Variants in LRRC7 observed in about 807,000 individuals in gnomAD.
LRRC7 encodes leucine rich repeat containing 7.
LRRC7 carries 23 observed loss-of-function variants against 175.7 expected under a neutral mutation model. The ratio of observed to expected loss-of-function variants is 0.13; its 90% CI spans 0.09 to 0.19. The LOEUF is 0.19. LRRC7 is among the 10% of genes least tolerant of loss of function. The pLI, the probability that LRRC7 is intolerant of heterozygous loss-of-function variation, is 1.00. For synonymous variants in LRRC7, 685 were observed against 680.9 expected, an observed-to-expected ratio of 1.01 and a Z score of -0.09; for missense variants, 1,354 against 1,904.7, an observed-to-expected ratio of 0.71 and a Z score of 5.38.
intron 7 of LRRC7, among the ~76,000 whole-genome samples, chr1:69,857,129 T>A (rs570771796): frequency 4.4e-4 from 67 of 152,228 alleles, no homozygotes; most frequent in African/African-American, 1.5e-3. Flanking sequence ...TAATAAGAGC[T>A]ATTTATGACA....
intron 3 of LRRC7, among the ~76,000 whole-genome samples, chr1:69,785,210 A>G (rs1674265290): frequency 6.6e-6 from 1 of 152,138 alleles, no homozygotes; most frequent in East Asian, 1.9e-4. Context: ...GTTCCTTTAA[A>G]TATATTAATG....
intron 1 of LRRC7, among the ~76,000 whole-genome samples, chr1:69,670,604 TC>T (rs1260223432): frequency 2.0e-5 from 3 of 152,140 alleles, no homozygotes; most frequent in East Asian, 1.9e-4. Flanking sequence ...GGTGGCAAGT[TC>T]CCCCTGGCCC....
intron 4 of LRRC7, among the ~76,000 whole-genome samples, chr1:69,794,437 C>A (rs1344580096): frequency 6.6e-6 from 1 of 152,134 alleles, no homozygotes; most frequent in Admixed American, 6.5e-5. Flanking sequence ...AAGAGAAGAA[C>A]AACTAGGTTT....
Position 70,053,082 on chromosome 1 carries a change from T to C in LRRC7, c.4167T>C (p.Ser1389=). ...LDNGQEDVSP[S]GQWNPYPLGR... ...ATGGACAAGAAGATGTATCTCCTAG[T>C]GGCCAATGGAATCCTTATCCACTTG... The change falls in exon 23 of 27, where the codon AGT becomes AGC. Residue 1389 remains serine (S), a synonymous_variant. Coordinates refer to ENST00000651989, the MANE Select transcript of LRRC7 (RefSeq NM_001370785.2). The C allele has an allele frequency of 2.5e-6, 4 of 1,611,798 alleles. No homozygotes were observed. Among genetic ancestry groups the C allele is most frequent in the Non-Finnish European group, 2.5e-6 (3 of 1,178,808 alleles).
At chr1:69,978,238 G>T (rs1167968674) in intron 8 of LRRC7, among the ~76,000 whole-genome samples, 1 of 145,576 alleles carries the variant, frequency 6.9e-6, no homozygotes, top group Admixed American at 6.9e-5. Context: ...AGCTGAGATC[G>T]CACCACTGCA....
intron 22 of LRRC7, among the ~76,000 whole-genome samples, chr1:70,046,631 T>G (rs1660351290): frequency 6.6e-6 from 1 of 152,168 alleles, no homozygotes; most frequent in South Asian, 2.1e-4. Context: ...CTATAAACTT[T>G]AAGCATTTAG....
chr1:69,710,295 A>AAAAAAAAG (rs1664603018), intron 2 of LRRC7, among the ~76,000 whole-genome samples: 1 of 150,406 alleles, frequency 6.6e-6, no homozygotes, highest in Non-Finnish European at 1.5e-5. Flanking sequence ...AAAAAAAAAA[A>AAAAAAAAG]AAAGAAAGAA....
intron 7 of LRRC7, among the ~76,000 whole-genome samples, chr1:69,921,334 TACACACACACAA>T (rs1557890051): frequency 6.6e-6 from 1 of 151,746 alleles, no homozygotes; most frequent in Non-Finnish European, 1.5e-5. Flanking sequence ...GACACACACA[TACACACACACAA>T]ACACACACAC....
At chr1:69,760,103 A>T in intron 2 of LRRC7, 88 bp from the exon 3 acceptor site, 1 of 1,364,562 alleles carries the variant, frequency 7.3e-7, no homozygotes, top group Non-Finnish European at 1.0e-6. Flanking sequence ...TACCAAAATT[A>T]AATTTCTAAG....
chr1:70,129,144 G>A lies in LRRC7; in HGVS notation c.*7257G>A, dbSNP rs890876123. On this transcript the variant is annotated 3_prime_UTR_variant, in exon 27 of 27. Coordinates refer to ENST00000651989, the MANE Select transcript of LRRC7 (RefSeq NM_001370785.2). ...CACCTGTAATCCTAGTTACTGGGGA[G>A]GCTGAGGCAGGAGAATTGCTTCAAC... 1.3e-5 allele frequency among the ~76,000 whole-genome samples: 2 copies of A among 151,926 alleles called. No homozygotes were observed. The highest frequency in any genetic ancestry group is 4.8e-5 in the African/African-American group (2 of 41,328).
intron 2 of LRRC7, among the ~76,000 whole-genome samples, chr1:69,729,910 T>C (rs1342198655): frequency 6.6e-6 from 1 of 152,356 alleles, no homozygotes; most frequent in East Asian, 1.9e-4. Flanking sequence ...CCAGGCCTTT[T>C]CAGACATCCT....
intron 23 of LRRC7, among the ~76,000 whole-genome samples, chr1:70,058,993 T>G (rs1389046818): frequency 2.0e-5 from 3 of 152,168 alleles, no homozygotes; most frequent in African/African-American, 7.2e-5. Context: ...TATGTTAGAA[T>G]GATGGAGCAG....
At chr1:69,746,154 A>G (rs1170290169) in intron 2 of LRRC7, among the ~76,000 whole-genome samples, 1 of 151,974 alleles carries the variant, frequency 6.6e-6, no homozygotes, top group African/African-American at 2.4e-5. Context: ...TCCATGATGA[A>G]TTTAGGATAT....
Position 70,122,920 on chromosome 1 carries a change from G to T in LRRC7, c.*1033G>T, listed in dbSNP as rs372945987. On this transcript the variant is annotated 3_prime_UTR_variant, in exon 27 of 27. Transcript: ENST00000651989. ...GACTGCTGTTAGAAAGTTATGGTAG[G>T]TGATTTTAAATCCTTGGTATTTAAA... 21 of 152,582 alleles carry T rather than the reference G, an allele frequency of 1.4e-4. No homozygotes were observed. In the South Asian group the frequency reaches 2.7e-3, roughly 20 times the overall value. The allele number at this position is 152,582 out of a possible 1,614,324, so 9.5% of individuals were successfully genotyped here. A position where few individuals can be genotyped will look rare whatever the true frequency, so the allele number is the denominator to read the frequency against.
chr1:69,763,949 T>C (rs1671320255), intron 3 of LRRC7, among the ~76,000 whole-genome samples: 3 of 152,160 alleles, frequency 2.0e-5, no homozygotes, highest in African/African-American at 7.2e-5. Context: ...GAGAATATTA[T>C]AATTGGTCAT....
chr1:69,814,449 A>G (rs1360451285), intron 4 of LRRC7, among the ~76,000 whole-genome samples: 2 of 152,160 alleles, frequency 1.3e-5, no homozygotes, highest in Non-Finnish European at 2.9e-5. Context: ...GAATTTTTCA[A>G]GTACTTATTA....
intron 26 of LRRC7, among the ~76,000 whole-genome samples, chr1:70,110,835 T>C (rs1665480144): frequency 6.6e-6 from 1 of 152,202 alleles, no homozygotes; most frequent in African/African-American, 2.4e-5. Context: ...TGGCTAATTC[T>C]AAAATGAAAT....
chr1:70,106,999 AGATTGT>A (rs1319367203), intron 25 of LRRC7, among the ~76,000 whole-genome samples: 1 of 152,184 alleles, frequency 6.6e-6, no homozygotes, highest in Non-Finnish European at 1.5e-5. Flanking sequence ...CTCCTCCACT[AGATTGT>A]GAGCTCATTA....
At chr1:69,844,215 A>T (rs1381515916) in intron 7 of LRRC7, among the ~76,000 whole-genome samples, 3 of 150,492 alleles carry the variant, frequency 2.0e-5, no homozygotes, top group Admixed American at 6.6e-5. Context: ...ACTACTTAAC[A>T]TGAGATCTAC....
Sources: gnomAD v4.1 joint callset for allele counts (sites outside exome capture counted in the v4.1 genomes callset) on GRCh38, gnomAD v4.1.1 for gene constraint, MANE v1.5 for transcripts, NCBI Gene and HGNC (gene_info 2026-07-23, HGNC 2026-07-21) for gene names.